Variants in ITCH observed in about 807,000 individuals in gnomAD.
ITCH encodes the protein E3 ubiquitin-protein ligase Itchy homolog.
In ITCH, 28 loss-of-function variants were observed where a neutral mutation model predicts 126.8. The ratio of observed to expected loss-of-function variants is 0.22; its 90% CI spans 0.16 to 0.30. The LOEUF (loss-of-function observed/expected upper bound fraction) is 0.30. Ranked by LOEUF, ITCH falls within the 10% of genes least tolerant of loss-of-function variation. ITCH has a pLI of 1.00. For missense variants in ITCH, 631 were observed against 1,032.4 expected (o/e 0.61, Z 5.33); for synonymous variants, 342 against 340.0 (o/e 1.01, Z -0.06).
chr20:34,486,581 G>A (rs929288728), intron 20 of ITCH, among the ~76,000 whole-genome samples: 8 of 151,268 alleles, frequency 5.3e-5, no homozygotes, highest in South Asian at 2.1e-4. Flanking sequence ...CTGCCTCAGC[G>A]TCCCAAAGTG....
At chr20:34,363,847 G>T (rs192496559) in intron 1 of ITCH, among the ~76,000 whole-genome samples, 1 of 152,124 alleles carries the variant, frequency 6.6e-6, no homozygotes, top group Non-Finnish European at 1.5e-5. Context: ...CCAGCACAGC[G>T]GCTGCCTCCC....
At chr20:34,473,819 A>C (rs978425790) in intron 16 of ITCH, among the ~76,000 whole-genome samples, 3 of 152,240 alleles carry the variant, frequency 2.0e-5, no homozygotes, top group African/African-American at 4.8e-5. Flanking sequence ...TTGTCCATAC[A>C]CATTCAGATT....
chr20:34,396,470 CTG>C (rs941286149), intron 3 of ITCH, among the ~76,000 whole-genome samples: 1 of 151,556 alleles, frequency 6.6e-6, no homozygotes, highest in Non-Finnish European at 1.5e-5. Flanking sequence ...GTATTTTACT[CTG>C]TGTGTGTGCG....
intron 6 of ITCH, among the ~76,000 whole-genome samples, chr20:34,421,818 G>A (rs561922366): frequency 6.6e-6 from 1 of 152,216 alleles, no homozygotes; most frequent in African/African-American, 2.4e-5. Context: ...GACCAGCATG[G>A]ACAACATGGT....
chr20:34,420,222 C>A (rs6119496), intron 6 of ITCH, among the ~76,000 whole-genome samples: 1 of 152,054 alleles, frequency 6.6e-6, no homozygotes. Flanking sequence ...TTCTTGTCAC[C>A]TTAGAAAAAA....
intron 20 of ITCH, among the ~76,000 whole-genome samples, chr20:34,488,606 G>A (rs1399709043): frequency 5.3e-5 from 8 of 152,104 alleles, no homozygotes; most frequent in Non-Finnish European, 4.4e-5. Flanking sequence ...CCAGCTACTC[G>A]GGAGGCTGAT....
At chr20:34,428,340 C>T (rs778963778) in intron 7 of ITCH, among the ~76,000 whole-genome samples, 1 of 152,194 alleles carries the variant, frequency 6.6e-6, no homozygotes, top group Non-Finnish European at 1.5e-5. Flanking sequence ...CCTCCATCCT[C>T]ATAGTTATCG....
At chr20:34,507,591 G>A in intron 24 of ITCH, 104 bp from the exon 25 acceptor site, 2 of 843,680 alleles carry the variant, frequency 2.4e-6, no homozygotes, top group Middle Eastern at 2.3e-4. Flanking sequence ...AAGCACAGTA[G>A]TATATTTTTG....
intron 15 of ITCH, 110 bp from the exon 16 acceptor site, chr20:34,471,334 C>G (rs1987600591): frequency 1.4e-6 from 1 of 714,662 alleles, no homozygotes; most frequent in South Asian, 1.5e-5. Flanking sequence ...TATTCATAGT[C>G]TACTTGTTTC....
chr20:34,504,524 G>A (rs1392206366), intron 24 of ITCH, 121 bp downstream of exon 24: 1 of 719,134 alleles, frequency 1.4e-6, no homozygotes. Flanking sequence ...AGCCATCATA[G>A]CAATCCAGTT....
At chr20:34,416,769 C>G (rs1042468497) in intron 6 of ITCH, among the ~76,000 whole-genome samples, 5 of 152,094 alleles carry the variant, frequency 3.3e-5, no homozygotes, top group Middle Eastern at 3.4e-3. Flanking sequence ...CCCCTACTTT[C>G]AACTAGTTTA....
chr20:34,438,854 G>A (rs1353380763), intron 8 of ITCH, among the ~76,000 whole-genome samples: 1 of 152,194 alleles, frequency 6.6e-6, no homozygotes, highest in East Asian at 1.9e-4. Flanking sequence ...GAATGAAAAT[G>A]ACATGTGCGT....
At position 34,457,497 on chromosome 20, in the gene ITCH, A is replaced by T. The variant is rs772330998; in HGVS notation, c.1295+23A>T. 5.6e-6 allele frequency: 8 copies of T among 1,441,302 alleles called. No individual in the cohort carries two copies. In the Admixed American group the frequency reaches 1.4e-4, roughly 24 times the overall value. 89.3% of individuals were successfully genotyped at this position (1,441,302 alleles called of 1,614,324 possible). On this transcript the variant is annotated intron_variant, in intron 13 of 24. Coordinates refer to ENST00000374864, the MANE Select transcript of ITCH (RefSeq NM_031483.7). ...AGGGTAAGAATAGTTACTTGTGTAT[A>T]TTTAATCTCTTAAAGATTATACCTT... is the stretch of plus-strand genomic sequence containing the variant.
At chr20:34,402,371 C>G in intron 3 of ITCH, 1 of 822,894 alleles carries the variant, frequency 1.2e-6, no homozygotes, top group South Asian at 1.3e-5. Context: ...TCTTTGAGAT[C>G]AATTTGGGTC....
intron 1 of ITCH, among the ~76,000 whole-genome samples, chr20:34,365,919 A>T (rs925256961): frequency 2.0e-5 from 3 of 152,140 alleles, no homozygotes; most frequent in Admixed American, 2.0e-4. Flanking sequence ...ACTGAGGGCA[A>T]ATGGTACTGT....
intron 11 of ITCH, 49 bp downstream of exon 11, chr20:34,445,510 C>T (rs771479971): frequency 1.3e-6 from 2 of 1,563,990 alleles, no homozygotes; most frequent in South Asian, 1.1e-5. Flanking sequence ...TTGTTTCTAG[C>T]CCCTTCCAGC....
At chr20:34,437,078 G>A (rs1482647685) in intron 7 of ITCH, among the ~76,000 whole-genome samples, 4 of 150,864 alleles carry the variant, frequency 2.7e-5, no homozygotes, top group African/African-American at 4.9e-5. Context: ...GCAGTGAGCC[G>A]AGATCACACC....
intron 9 of ITCH, among the ~76,000 whole-genome samples, chr20:34,441,407 G>A (rs977613870): frequency 2.6e-5 from 4 of 152,066 alleles, no homozygotes; most frequent in Admixed American, 2.6e-4. Flanking sequence ...ATACTCAGGT[G>A]TAATTTTTTC....
At chr20:34,371,041 G>C (rs940503886) in intron 2 of ITCH, among the ~76,000 whole-genome samples, 1 of 151,298 alleles carries the variant, frequency 6.6e-6, no homozygotes, top group Non-Finnish European at 1.5e-5. Context: ...GGTGGCGGGC[G>C]CCTGTAGTCC....
Sources: allele counts gnomAD v4.1 joint callset (sites outside exome capture counted in the v4.1 genomes callset), GRCh38; gene constraint gnomAD v4.1.1; transcripts MANE v1.5; gene names NCBI Gene and HGNC (gene_info 2026-07-23, HGNC 2026-07-21).